FOXRED1: variants seen among roughly 807,000 people sequenced by gnomAD.
FOXRED1 encodes FAD dependent oxidoreductase domain containing 1.
Under a neutral mutation model 57.8 loss-of-function variants are expected in FOXRED1, and 52 were observed. The observed-to-expected ratio is 0.90, with a 90% CI of 0.72 to 1.13. The LOEUF (loss-of-function observed/expected upper bound fraction) is 1.13, where lower values mean the gene tolerates loss of function less well. Ranked by LOEUF, FOXRED1 falls within the 50% of genes most tolerant of loss-of-function variation. The probability of loss-of-function intolerance (pLI) is 0.00; values close to 1 mark genes in which losing one functional copy is unlikely to be tolerated. For synonymous variants in FOXRED1, 271 were observed against 248.3 expected (o/e 1.09, Z -0.86); for missense variants, 589 against 625.2 (o/e 0.94, Z 0.62).
Position 126,277,638 on chromosome 11 carries a change from C to T in FOXRED1, c.1410C>T (p.Leu470=), listed in dbSNP as rs763291990. 5 of 1,613,816 alleles carry T rather than the reference C, an allele frequency of 3.1e-6. 1 individual carries two copies. In the South Asian group the frequency reaches 5.5e-5, roughly 18 times the overall value. Residue 470 remains leucine (L), a synonymous_variant, in exon 11 of 11, where the codon CTC becomes CTT. Coordinates refer to ENST00000263578, the MANE Select transcript of FOXRED1 (RefSeq NM_017547.4). This position sits in a 1 kb window ranked among gnomAD's most constrained non-coding sequence, Gnocchi z 6.8. The part of the protein sequence containing the change: ...RFQTIDLSPF[L]FTRFYLGEKI... Reference sequence around the variant, plus strand: ...AGACCATCGACCTGAGCCCCTTCCTCTTTACCCGCTTTTACTTGGGAGAGA... The same window carrying T: ...AGACCATCGACCTGAGCCCCTTCCTTTTTACCCGCTTTTACTTGGGAGAGA...
chr11:126,275,544 G>A lies in FOXRED1; in HGVS notation c.733+116G>A, dbSNP rs778834517. The A allele has an allele frequency of 5.2e-5, 42 of 812,310 alleles. No individual in the cohort carries two copies. Among genetic ancestry groups the A allele is most frequent in the Non-Finnish European group, 8.1e-5 (38 of 468,138 alleles). 50.3% of individuals were successfully genotyped at this position (812,310 alleles called of 1,614,324 possible). On this transcript the variant is annotated intron_variant, in intron 6 of 10. Coordinates refer to ENST00000263578, the MANE Select transcript of FOXRED1 (RefSeq NM_017547.4). This position sits in a 1 kb window ranked among gnomAD's most constrained non-coding sequence, Gnocchi z 5.9. ...GGGAAAGGGGTCTCCCTGAGAGCAG[G>A]TCCTAGGCATCTTGACCTGGGCTCC...
At chr11:126,269,816 G>A (rs1445012060) in intron 1 of FOXRED1, among the ~76,000 whole-genome samples, 3 of 151,824 alleles carry the variant, frequency 2.0e-5, no homozygotes, top group African/African-American at 7.3e-5. Context: ...GTGAAACACC[G>A]TCTCTACTAA....
In FOXRED1 at chr11:126,272,694, G is replaced by A. The variant is rs982759360; in HGVS notation, c.307-275G>A. 2.6e-5 allele frequency: 14 copies of A among 541,336 alleles called. No individual in the cohort carries two copies. Among genetic ancestry groups the A allele is most frequent in the Non-Finnish European group, 3.7e-5 (11 of 300,370 alleles). 33.5% of individuals were successfully genotyped at this position (541,336 alleles called of 1,614,324 possible). A position where few individuals can be genotyped will look rare whatever the true frequency, so the allele number is the denominator to read the frequency against. On this transcript the variant is annotated intron_variant, in intron 2 of 10. Coordinates refer to ENST00000263578, the MANE Select transcript of FOXRED1 (RefSeq NM_017547.4). The surrounding 1 kb of genome is among the most constrained non-coding windows in gnomAD (Gnocchi z 4.6). Reference sequence around the variant, plus strand: ...TCATTTCCCAAATGGTAGGTCAAACGTTAATCGCCTGCCCTTGGACTTCCA... The same window carrying A: ...TCATTTCCCAAATGGTAGGTCAAACATTAATCGCCTGCCCTTGGACTTCCA...
Position 126,277,872 on chromosome 11 carries a change from T to C in FOXRED1, c.*183T>C. 1 of 715,534 alleles carries C rather than the reference T, an allele frequency of 1.4e-6. No individual in the cohort carries two copies. The highest frequency in any genetic ancestry group is 1.5e-5 in the South Asian group (1 of 67,854). 44.3% of individuals were successfully genotyped at this position (715,534 alleles called of 1,614,324 possible). A position where few individuals can be genotyped will look rare whatever the true frequency, so the allele number is the denominator to read the frequency against. ...GCACAGGCAGTGAGGCCGAGGCCAATAGCGAGTGATGAGCGGGATCCTAGG... is the reference window on the plus strand; with the variant it reads ...GCACAGGCAGTGAGGCCGAGGCCAACAGCGAGTGATGAGCGGGATCCTAGG... On this transcript the variant is annotated 3_prime_UTR_variant, in exon 11 of 11. Coordinates refer to ENST00000263578, the MANE Select transcript of FOXRED1 (RefSeq NM_017547.4). This position sits in a 1 kb window ranked among gnomAD's most constrained non-coding sequence, Gnocchi z 6.8.
At position 126,271,022 on chromosome 11, in the gene FOXRED1, C is replaced by A; in HGVS notation, c.86-415C>A. Reference sequence around the variant, plus strand: ...TAGGTTTGGTGGTGGTGATGGATATCCAGGATAAGCATGGCACCGCTTAGC... The same window carrying A: ...TAGGTTTGGTGGTGGTGATGGATATACAGGATAAGCATGGCACCGCTTAGC... On this transcript the variant is annotated intron_variant, in intron 1 of 10. Coordinates refer to ENST00000263578, the MANE Select transcript of FOXRED1 (RefSeq NM_017547.4). The surrounding 1 kb of genome is among the most constrained non-coding windows in gnomAD (Gnocchi z 5.3). The A allele has an allele frequency of 3.9e-6, 1 of 257,056 alleles. No individual in the cohort carries two copies. The highest frequency in any genetic ancestry group is 7.7e-6 in the Non-Finnish European group (1 of 130,352). The allele number at this position is 257,056 out of a possible 1,614,324, so 15.9% of individuals were successfully genotyped here.
Position 126,272,905 on chromosome 11 carries a change from T to C in FOXRED1, c.307-64T>C, listed in dbSNP as rs1001771150. On this transcript the variant is annotated intron_variant, in intron 2 of 10. Transcript: ENST00000263578. This position sits in a 1 kb window ranked among gnomAD's most constrained non-coding sequence, Gnocchi z 4.6. ...TAGGTGTATAGCTCGAAGCTTTCAT[T>C]GCAGTATTCTAGTCACATGTGATAG... The C allele has an allele frequency of 2.4e-6, 2 of 842,508 alleles. No individual in the cohort carries two copies. The highest frequency in any genetic ancestry group is 4.2e-6 in the Non-Finnish European group (2 of 475,062). 52.2% of individuals were successfully genotyped at this position (842,508 alleles called of 1,614,324 possible). A position where few individuals can be genotyped will look rare whatever the true frequency, so the allele number is the denominator to read the frequency against.
Position 126,277,077 on chromosome 11 carries a change from G to T in FOXRED1, c.1108G>T (p.Glu370Ter), listed in dbSNP as rs1484836430. 6.2e-7 allele frequency: 1 copy of T among 1,610,462 alleles called. No individual in the cohort carries two copies. Among genetic ancestry groups the T allele is most frequent in the Admixed American group, 1.7e-5 (1 of 60,014 alleles). The change falls in exon 10 of 11, where the codon GAA becomes TAA. Residue 370 changes from glutamate to a stop codon, truncating the protein, a stop_gained. Coordinates refer to ENST00000263578, the MANE Select transcript of FOXRED1 (RefSeq NM_017547.4). LOFTEE classifies it high-confidence loss of function. The surrounding 1 kb of genome is among the most constrained non-coding windows in gnomAD (Gnocchi z 6.8). ...TCCCCACCTCTCACTCCAGCAGGAA[G>T]AACCGGACCCGGCGAACCTGGAAGT... ...LGGRSPTEQE[E>*]PDPANLEVDH...
Position 126,271,252 on chromosome 11 carries a change from A to G in FOXRED1, c.86-185A>G, listed in dbSNP as rs1950977378. Reference sequence around the variant, plus strand: ...CACAATGCATGAAGAGACTGATGGCATGTGGACTATTCAGAAAACTGTGGC... The same window carrying G: ...CACAATGCATGAAGAGACTGATGGCGTGTGGACTATTCAGAAAACTGTGGC... On this transcript the variant is annotated intron_variant, in intron 1 of 10. Transcript: ENST00000263578. The surrounding 1 kb of genome is among the most constrained non-coding windows in gnomAD (Gnocchi z 5.3). 1.5e-6 allele frequency: 1 copy of G among 649,448 alleles called. No individual in the cohort carries two copies. The highest frequency in any genetic ancestry group is 1.7e-5 in the South Asian group (1 of 59,448). 40.2% of individuals were successfully genotyped at this position (649,448 alleles called of 1,614,324 possible). A position where few individuals can be genotyped will look rare whatever the true frequency, so the allele number is the denominator to read the frequency against.
At position 126,276,413 on chromosome 11, in the gene FOXRED1, T is replaced by A; in HGVS notation, c.991T>A (p.Cys331Ser). ...TGGCAGGTATGTGTATGTGTGGCAC[T>A]GCCCCCAGGGACCAGGCCTAGAGAC... ...PRKRYVYVWH[C>S]PQGPGLETPL... Residue 331 changes from cysteine (C) to serine (S), a missense_variant, in exon 9 of 11, where the codon TGC becomes AGC. Coordinates refer to ENST00000263578, the MANE Select transcript of FOXRED1 (RefSeq NM_017547.4). The A allele has an allele frequency of 6.6e-7, 1 of 1,525,144 alleles. No homozygotes were observed. Among genetic ancestry groups the A allele is most frequent in the South Asian group, 1.1e-5 (1 of 88,520 alleles). 94.5% of individuals were successfully genotyped at this position (1,525,144 alleles called of 1,614,324 possible).
In FOXRED1 at chr11:126,271,444, T is replaced by G. The variant is rs1950982519; in HGVS notation, c.93T>G (p.Asp31Glu). The change falls in exon 2 of 11, where the codon GAT becomes GAG. Residue 31 changes from aspartate (D) to glutamate (E), a missense_variant. Coordinates refer to ENST00000263578, the MANE Select transcript of FOXRED1 (RefSeq NM_017547.4). The surrounding 1 kb of genome is among the most constrained non-coding windows in gnomAD (Gnocchi z 5.3). ...CCTAACTACATCCCACAGACTGGGA[T>G]GGAAAGGTGTCTGAGATTAAGAAGA... ...TRRGGFSLDW[D>E]GKVSEIKKKI... The G allele has an allele frequency of 9.9e-6, 16 of 1,612,814 alleles. No individual in the cohort carries two copies. The highest frequency in any genetic ancestry group is 1.4e-5 in the Non-Finnish European group (16 of 1,178,894).
At position 126,274,572 on chromosome 11, in the gene FOXRED1, C is replaced by T. The variant is rs553404682; in HGVS notation, c.537-355C>T. 4.2e-4 allele frequency: 135 copies of T among 320,732 alleles called. 1 individual carries two copies. Among genetic ancestry groups the T allele is most frequent in the African/African-American group, 2.8e-3 (128 of 46,404 alleles). 19.9% of individuals were successfully genotyped at this position (320,732 alleles called of 1,614,324 possible). On this transcript the variant is annotated intron_variant, in intron 4 of 10. Coordinates refer to ENST00000263578, the MANE Select transcript of FOXRED1 (RefSeq NM_017547.4). This position sits in a 1 kb window ranked among gnomAD's most constrained non-coding sequence, Gnocchi z 4.8. ...CTGAAGCAGGAGAATCGCTTGAACC[C>T]GGGAGGAGGAGGTTGCAGTGAGCCA... is the stretch of plus-strand genomic sequence containing the variant.
chr11:126,269,280 G>A lies in FOXRED1; in HGVS notation c.74G>A (p.Gly25Asp). The change falls in exon 1 of 11, where the codon GGC becomes GAC. Residue 25 changes from glycine to aspartate, a missense_variant. By Grantham distance (94) the Gly-to-Asp change is moderately conservative (BLOSUM62 -1). Transcript: ENST00000263578. ...LTRRPGTRRG[G>D]FSLDWDGKVS... Reference sequence around the variant, plus strand: ...CGGAGGCCAGGCACGCGCAGAGGAGGCTTTTCTCTGGGTAAAGTTGAGGAC... The same window carrying A: ...CGGAGGCCAGGCACGCGCAGAGGAGACTTTTCTCTGGGTAAAGTTGAGGAC... The A allele has an allele frequency of 3.1e-6, 5 of 1,614,164 alleles. No individual in the cohort carries two copies. Among genetic ancestry groups the A allele is most frequent in the Non-Finnish European group, 4.2e-6 (5 of 1,179,972 alleles).
At chr11:126,276,327 G>GTGTGGGGGTGCGGGGTA in intron 8 of FOXRED1, 67 bp from the exon 9 acceptor site, 1 of 303,096 alleles carries the variant, frequency 3.3e-6, no homozygotes, top group Admixed American at 6.0e-5. Context: ...GGTGTGGGGT[G>GTGTGGGGGTGCGGGGTA]GACAGGGTTG....
chr11:126,273,293 A>G lies in FOXRED1; in HGVS notation c.418-43A>G, dbSNP rs766610401. The G allele has an allele frequency of 1.4e-6, 2 of 1,454,526 alleles. No individual in the cohort carries two copies. Among genetic ancestry groups the G allele is most frequent in the Admixed American group, 3.3e-5 (2 of 59,812 alleles). The allele number at this position is 1,454,526 out of a possible 1,614,324, so 90.1% of individuals were successfully genotyped here. On this transcript the variant is annotated intron_variant, in intron 3 of 10. Transcript: ENST00000263578. This position sits in a 1 kb window ranked among gnomAD's most constrained non-coding sequence, Gnocchi z 5.9. The stretch of plus-strand genomic sequence containing the variant: ...AGAAGGCAGGAAAACTCTTTCTGGC[A>G]TCCTTAAGTCAGTTTCTTTCAGGAG...
rs1416598671 is a variant in FOXRED1 at position 126,273,073 on chromosome 11, C to T, written c.411C>T (p.Asn137=). 6.5e-7 allele frequency: 1 copy of T among 1,545,786 alleles called. No homozygotes were observed. The highest frequency in any genetic ancestry group is 8.9e-7 in the Non-Finnish European group (1 of 1,117,522). The part of the protein sequence containing the change: ...LSLFSASFLR[N]INEYLAVVDA... ...TCTTTTCAGCCAGCTTTCTACGGAA[C>T]ATCAATGTAGGTGCAATGATATCCG... The change falls in exon 3 of 11, where the codon AAC becomes AAT. Residue 137 remains asparagine, a synonymous_variant. Transcript: ENST00000263578. The surrounding 1 kb of genome is among the most constrained non-coding windows in gnomAD (Gnocchi z 5.9).
In FOXRED1 at chr11:126,277,978, C is replaced by T. The variant is rs1591367581; in HGVS notation, c.*289C>T. On this transcript the variant is annotated 3_prime_UTR_variant, in exon 11 of 11. Transcript: ENST00000263578. This position sits in a 1 kb window ranked among gnomAD's most constrained non-coding sequence, Gnocchi z 6.8. ...GAGCACCCTGGCCCAGGACTGGCTT[C>T]ATCCTGGCACTGACCAGGAAAGACT... 5 of 614,314 alleles carry T rather than the reference C, an allele frequency of 8.1e-6. No homozygotes were observed. The highest frequency in any genetic ancestry group is 4.2e-5 in the Admixed American group (2 of 47,096). 38.1% of individuals were successfully genotyped at this position (614,314 alleles called of 1,614,324 possible). A position where few individuals can be genotyped will look rare whatever the true frequency, so the allele number is the denominator to read the frequency against.
At position 126,273,737 on chromosome 11, in the gene FOXRED1, C is replaced by T; in HGVS notation, c.536+283C>T. On this transcript the variant is annotated intron_variant, in intron 4 of 10. Transcript: ENST00000263578. This position sits in a 1 kb window ranked among gnomAD's most constrained non-coding sequence, Gnocchi z 5.9. ...CCAGAATCTCTAGGGAAGGAGCCCA[C>T]AAATCTGGGTTTTTAACAAGAACCT... 6.6e-6 allele frequency: 3 copies of T among 452,372 alleles called. No homozygotes were observed. Among genetic ancestry groups the T allele is most frequent in the South Asian group, 6.5e-5 (3 of 46,020 alleles). 28.0% of individuals were successfully genotyped at this position (452,372 alleles called of 1,614,324 possible).
chr11:126,277,487 G>T lies in FOXRED1; in HGVS notation c.1259G>T (p.Gly420Val). Residue 420 changes from glycine to valine, a missense_variant, in exon 11 of 11, where the codon GGC becomes GTC. Transcript: ENST00000263578. This position sits in a 1 kb window ranked among gnomAD's most constrained non-coding sequence, Gnocchi z 6.8. ...GACTACAACACCTTTGACCAGAATG[G>T]CGTGGTGGGCCCCCACCCGCTAGTT... is the stretch of plus-strand genomic sequence containing the variant. ...YYDYNTFDQN[G>V]VVGPHPLVVN... 6.2e-7 allele frequency: 1 copy of T among 1,613,566 alleles called. No homozygotes were observed. Among genetic ancestry groups the T allele is most frequent in the South Asian group, 1.1e-5 (1 of 91,088 alleles).
rs773101152 is a variant in FOXRED1, at chr11:126,277,503, C to T, written c.1275C>T (p.His425=). ...ACCAGAATGGCGTGGTGGGCCCCCACCCGCTAGTTGTCAACATGTACTTTG... is the reference window on the plus strand; with the variant it reads ...ACCAGAATGGCGTGGTGGGCCCCCATCCGCTAGTTGTCAACATGTACTTTG... The part of the protein sequence containing the change: ...TFDQNGVVGP[H]PLVVNMYFAT... The change falls in exon 11 of 11, where the codon CAC becomes CAT. Residue 425 remains histidine, a synonymous_variant. Transcript: ENST00000263578. The surrounding 1 kb of genome is among the most constrained non-coding windows in gnomAD (Gnocchi z 6.8). 1 of 1,613,646 alleles carries T rather than the reference C, an allele frequency of 6.2e-7. No individual in the cohort carries two copies. Among genetic ancestry groups the T allele is most frequent in the Admixed American group, 1.7e-5 (1 of 60,028 alleles).
Sources: gnomAD v4.1 joint callset for allele counts (sites outside exome capture counted in the v4.1 genomes callset) on GRCh38, gnomAD v4.1.1 for gene constraint, Gnocchi (gnomAD v3.1) non-coding constraint, MANE v1.5 for transcripts, NCBI Gene and HGNC (gene_info 2026-07-23, HGNC 2026-07-21) for gene names.